The following MOBP variants were observed in gnomAD, a reference collection of about 807,000 sequenced individuals.
The protein encoded by MOBP is myelin associated oligodendrocyte basic protein, also known as myelin-associated oligodendrocyte basic protein.
Under a neutral mutation model 15.0 loss-of-function variants are expected in MOBP, and 5 were observed. That is an observed-to-expected ratio of 0.33 (90% CI 0.17 to 0.70). The LOEUF (loss-of-function observed/expected upper bound fraction) is 0.70, where lower values mean the gene tolerates loss of function less well. Ranked by LOEUF, MOBP falls within the 30% of genes least tolerant of loss-of-function variation. The probability of loss-of-function intolerance (pLI) is 0.67; values close to 1 mark genes in which losing one functional copy is unlikely to be tolerated. For missense variants in MOBP, 188 were observed against 257.8 expected (o/e 0.73, Z 1.85); for synonymous variants, 88 against 99.0 (o/e 0.89, Z 0.66).
chr3:39,500,141 C>A, intron 2 of MOBP: 1 of 450,852 alleles, frequency 2.2e-6, no homozygotes, highest in Non-Finnish European at 4.5e-6. Flanking sequence ...CTTATTTGGT[C>A]TCAGTAAATG....
downstream of MOBP, among the ~76,000 whole-genome samples, chr3:39,520,647 T>C (rs755668574): frequency 7.2e-5 from 11 of 152,006 alleles, no homozygotes; most frequent in Non-Finnish European, 1.3e-4. Flanking sequence ...TCTTCCCTTT[T>C]TACTTTTTGT....
chr3:39,513,561 C>T lies in MOBP; in HGVS notation c.*178C>T, dbSNP rs2233205. On this transcript the variant is annotated 3_prime_UTR_variant, in exon 5 of 5. Coordinates refer to the MOBP transcript ENST00000311042. ...CCTGCTGATGTGGCAACTGCTGATG[C>T]TCATGGTCCCCATGGCATGGGGGCC... is the stretch of plus-strand genomic sequence containing the variant. 0.013 allele frequency: 11,052 copies of T among 861,812 alleles called. 912 individuals are homozygous for T. In the African/African-American group the frequency reaches 0.17, roughly 13 times the overall value. The allele number at this position is 861,812 out of a possible 1,614,324, so 53.4% of individuals were successfully genotyped here. A position where few individuals can be genotyped will look rare whatever the true frequency, so the allele number is the denominator to read the frequency against.
rs1256685998 is a variant in MOBP, at chr3:39,480,057, G to A, written c.-71G>A. ...ACTTTTAGGAAAAAAAAAAAAAGAA[G>A]CAAATGATACCAAGACAAGCTCATA... On this transcript the variant is annotated 5_prime_UTR_variant, in exon 2 of 4. Coordinates refer to ENST00000684792, the MANE Select transcript of MOBP (RefSeq NM_001393704.1). The A allele has an allele frequency of 1.3e-5, 2 of 150,270 alleles. No individual in the cohort carries two copies. The highest frequency in any genetic ancestry group is 1.5e-5 in the Non-Finnish European group (1 of 67,630). The allele number at this position is 150,270 out of a possible 1,614,324, so 9.3% of individuals were successfully genotyped here.
Position 39,502,492 on chromosome 3 carries a change from G to C in MOBP, c.207-43G>C. 1 of 1,548,720 alleles carries C rather than the reference G, an allele frequency of 6.5e-7. No homozygotes were observed. Among genetic ancestry groups the C allele is most frequent in the South Asian group, 1.2e-5 (1 of 84,766 alleles). ...TGCCAGCGTCGCTTAAGCAGCAGAG[G>C]AGAGCCCTGGCTCCCGCCTCCAGCT... is the stretch of plus-strand genomic sequence containing the variant. On this transcript the variant is annotated intron_variant, in intron 3 of 3. Transcript: ENST00000684792. This position sits in a 1 kb window ranked among gnomAD's most constrained non-coding sequence, Gnocchi z 6.3.
intron 4 of MOBP, among the ~76,000 whole-genome samples, chr3:39,511,672 C>T (rs970864652): frequency 1.3e-5 from 2 of 152,176 alleles, no homozygotes; most frequent in South Asian, 2.1e-4. Context: ...TGCTGATCAT[C>T]ACTTACTTGT....
intron 4 of MOBP, among the ~76,000 whole-genome samples, chr3:39,509,151 C>T (rs796590596): frequency 8.6e-5 from 13 of 151,870 alleles, no homozygotes; most frequent in African/African-American, 2.4e-4. Flanking sequence ...TGCTACTCAC[C>T]GGTTGAAAGA....
At position 39,502,160 on chromosome 3, in the gene MOBP, AC is replaced by A. The variant is rs1447986854; in HGVS notation, c.93del (p.Phe32SerfsTer8). The A allele has an allele frequency of 6.2e-7, 1 of 1,614,218 alleles. No homozygotes were observed. The highest frequency in any genetic ancestry group is 8.5e-7 in the Non-Finnish European group (1 of 1,180,020). On this transcript the variant is annotated frameshift_variant, in exon 3 of 4. Transcript: ENST00000684792. LOFTEE classifies it high-confidence loss of function. This position sits in a 1 kb window ranked among gnomAD's most constrained non-coding sequence, Gnocchi z 6.3. The stretch of plus-strand genomic sequence containing the variant: ...CAGCATACACTGCTGCCCGCCGTTC[AC>A]CTTCCTCAATTCCAAGAAGGAGATA... ...HFSIHCCPPFTFLNSKKEIVD... is the reference protein window; with the variant it reads ...HFSIHCCPPFXFLNSKKEIVD...
chr3:39,501,082 C>T (rs1359249171), intron 2 of MOBP, among the ~76,000 whole-genome samples: 1 of 152,134 alleles, frequency 6.6e-6, no homozygotes, highest in African/African-American at 2.4e-5. Flanking sequence ...TTAAAATATC[C>T]CCTCAAAGTT....
intron 2 of MOBP, among the ~76,000 whole-genome samples, chr3:39,490,519 AT>A (rs1263662950): frequency 6.6e-6 from 1 of 152,218 alleles, no homozygotes. Context: ...TTAAAACCAG[AT>A]TATGAAAATT....
chr3:39,506,636 G>C (rs2043051624), downstream of MOBP, among the ~76,000 whole-genome samples: 1 of 152,188 alleles, frequency 6.6e-6, no homozygotes, highest in African/African-American at 2.4e-5. Flanking sequence ...GTCAGCCAAC[G>C]CTGCTTCAAG....
downstream of MOBP, among the ~76,000 whole-genome samples, chr3:39,506,604 C>T (rs2043051149): frequency 6.6e-6 from 1 of 152,210 alleles, no homozygotes; most frequent in African/African-American, 2.4e-5. Flanking sequence ...GATATTTATA[C>T]ACCAGTTCTC....
At chr3:39,498,981 T>G (rs2042929812) in intron 2 of MOBP, among the ~76,000 whole-genome samples, 1 of 152,322 alleles carries the variant, frequency 6.6e-6, no homozygotes, top group South Asian at 2.1e-4. Flanking sequence ...TCAAATCTCC[T>G]TCTTATCACA....
intron 2 of MOBP, among the ~76,000 whole-genome samples, chr3:39,493,646 A>T (rs939099879): frequency 3.3e-5 from 5 of 152,234 alleles, no homozygotes; most frequent in African/African-American, 1.2e-4. Flanking sequence ...AAGGACAAAA[A>T]TTTTAAGGAG....
chr3:39,494,791 CG>C (rs145365459), intron 2 of MOBP, among the ~76,000 whole-genome samples: 24,047 of 105,816 alleles, frequency 0.23, 3,424 homozygotes, highest in East Asian at 0.58. Flanking sequence ...AGCCCCCCCC[CG>C]CCCCCCGAGT....
At chr3:39,513,488 A>G in exon 5 of MOBP, 2 of 1,488,460 alleles carry the variant, frequency 1.3e-6, no homozygotes, top group South Asian at 1.2e-5. Context: ...CAACCCATCT[A>G]CCCCTGGATG....
At chr3:39,473,149 C>A (rs1176388457) in intron 1 of MOBP, among the ~76,000 whole-genome samples, 2 of 152,162 alleles carry the variant, frequency 1.3e-5, no homozygotes, top group African/African-American at 4.8e-5. Context: ...TTCTGTCACC[C>A]TTAAAGCATT....
intron 2 of MOBP, among the ~76,000 whole-genome samples, chr3:39,486,670 G>A (rs1307084644): frequency 6.6e-6 from 1 of 152,028 alleles, no homozygotes; most frequent in Non-Finnish European, 1.5e-5. Context: ...GGTATCAATT[G>A]TTATAACCTG....
At chr3:39,470,151 C>T (rs1169508532) in intron 1 of MOBP, among the ~76,000 whole-genome samples, 2 of 152,242 alleles carry the variant, frequency 1.3e-5, no homozygotes, top group Non-Finnish European at 2.9e-5. Context: ...ACGGGGACGT[C>T]TGCCCTAGTG....
intron 1 of MOBP, among the ~76,000 whole-genome samples, chr3:39,471,228 C>T (rs2042464967): frequency 6.6e-6 from 1 of 150,774 alleles, no homozygotes; most frequent in African/African-American, 2.5e-5. Context: ...CTCCCAGGTT[C>T]AAGCGATTCT....
Sources: allele counts gnomAD v4.1 joint callset (sites outside exome capture counted in the v4.1 genomes callset), GRCh38; gene constraint gnomAD v4.1.1; non-coding constraint Gnocchi (gnomAD v3.1); transcripts MANE v1.5; gene names NCBI Gene and HGNC (gene_info 2026-07-23, HGNC 2026-07-21).